Variants in SETD5 observed in about 807,000 individuals in gnomAD.
The protein encoded by SETD5 is SET domain containing 5.
In SETD5, 44 loss-of-function variants were observed where a neutral mutation model predicts 153.3. The observed-to-expected ratio is 0.29, with a 90% CI of 0.23 to 0.37. The LOEUF is 0.37. SETD5 is among the 10% of genes least tolerant of loss of function. SETD5 has a pLI of 1.00. For missense variants in SETD5, 1,544 were observed against 1,768.0 expected (o/e 0.87, Z 2.27); for synonymous variants, 716 against 645.2 (o/e 1.11, Z -1.66).
intron 18 of SETD5, chr3:9,468,638 C>T: frequency 3.1e-6 from 4 of 1,275,550 alleles, no homozygotes; most frequent in Non-Finnish European, 4.2e-6. Flanking sequence ...GAATGTGTTC[C>T]TGAGTGTGTG....
intron 1 of SETD5, among the ~76,000 whole-genome samples, chr3:9,407,243 G>T (rs2035843920): frequency 6.6e-6 from 1 of 152,174 alleles, no homozygotes; most frequent in Non-Finnish European, 1.5e-5. Context: ...CATAAGAATT[G>T]CTTGACCCTG....
chr3:9,448,878 G>A (rs2042310702), intron 16 of SETD5, among the ~76,000 whole-genome samples: 1 of 152,118 alleles, frequency 6.6e-6, no homozygotes, highest in Non-Finnish European at 1.5e-5. Flanking sequence ...TGTCTCTTCT[G>A]AGAACCCTTG....
intron 18 of SETD5, among the ~76,000 whole-genome samples, chr3:9,467,260 T>C (rs1386313437): frequency 6.7e-6 from 1 of 150,042 alleles, no homozygotes; most frequent in Non-Finnish European, 1.5e-5. Flanking sequence ...AGGATATTTT[T>C]GAGAAGGAAA....
chr3:9,398,226 C>G (rs187839407), intron 1 of SETD5: 7 of 152,114 alleles, frequency 4.6e-5, no homozygotes, highest in African/African-American at 1.7e-4. Flanking sequence ...CATGTTTTTC[C>G]TGGGTCAGGA....
chr3:9,450,278 C>A (rs550035246), intron 16 of SETD5, among the ~76,000 whole-genome samples: 5 of 152,222 alleles, frequency 3.3e-5, no homozygotes, highest in Non-Finnish European at 7.3e-5. Context: ...CCAAGTGTAT[C>A]TGACTATCCT....
intron 3 of SETD5, 90 bp from the exon 4 acceptor site, chr3:9,433,755 A>C (rs919875615): frequency 9.9e-6 from 13 of 1,315,252 alleles, no homozygotes; most frequent in Non-Finnish European, 1.3e-5. Context: ...TGGTTGTGGA[A>C]AGAGGAGGGG....
chr3:9,442,277 G>A, intron 10 of SETD5, 32 bp downstream of exon 10: 4 of 1,437,278 alleles, frequency 2.8e-6, no homozygotes, highest in Non-Finnish European at 3.9e-6. Context: ...CCCTTTGACT[G>A]GAACCATCAA....
At chr3:9,446,693 A>C (rs544464719) in intron 13 of SETD5, among the ~76,000 whole-genome samples, 2 of 152,090 alleles carry the variant, frequency 1.3e-5, no homozygotes, top group African/African-American at 4.8e-5. Flanking sequence ...GAGTTTCACC[A>C]TGTTGGCCAC....
chr3:9,410,151 A>G (rs1338002126), intron 1 of SETD5, among the ~76,000 whole-genome samples: 1 of 152,232 alleles, frequency 6.6e-6, no homozygotes, highest in Non-Finnish European at 1.5e-5. Flanking sequence ...GGTATAGCCC[A>G]TTGCTCTTAG....
rs1402428999 is a variant in SETD5, at chr3:9,470,840, G to A, written c.3106G>A (p.Asp1036Asn). The change falls in exon 19 of 23, where the codon GAC becomes AAC. Residue 1036 changes from aspartate (D) to asparagine (N), a missense_variant. Asp to Asn is a conservative substitution (Grantham distance 23). Around this residue, in one of 9 missense-constraint regions of SETD5, gnomAD observed 782 missense variants for 787.2 expected, o/e 0.99. Coordinates refer to ENST00000402198, the MANE Select transcript of SETD5 (RefSeq NM_001080517.3). ...SSRYEHGLMK[D>N]LSRGSLSPGG... ...CAGATATGAACATGGCTTAATGAAA[G>A]ACCTCTCTCGTGGATCCTTGTCACC... 1 of 1,612,536 alleles carries A rather than the reference G, an allele frequency of 6.2e-7. No individual in the cohort carries two copies. The highest frequency in any genetic ancestry group is 1.1e-5 in the South Asian group (1 of 90,744).
In SETD5 at chr3:9,473,492, C is replaced by T. The variant is rs1349109760; in HGVS notation, c.3452C>T (p.Thr1151Ile). The T allele has an allele frequency of 1.2e-6, 2 of 1,613,802 alleles. No homozygotes were observed. Among genetic ancestry groups the T allele is most frequent in the Middle Eastern group, 1.6e-4 (1 of 6,062 alleles). ...EAVSPSDSRG[T>I]SSSHCRPQEN... ...GTAAGCCCATCAGATTCCAGAGGCA[C>T]TTCTTCATCTCACTGCAGACCTCAA... Residue 1151 changes from threonine to isoleucine, a missense_variant, in exon 20 of 23, where the codon ACT becomes ATT. Transcript: ENST00000402198.
In SETD5 at chr3:9,448,369, G is replaced by A. The variant is rs771320363; in HGVS notation, c.2104-19G>A. The A allele has an allele frequency of 3.1e-6, 5 of 1,611,488 alleles. No individual in the cohort carries two copies. In the South Asian group the frequency reaches 3.3e-5, roughly 11 times the overall value. On this transcript the variant is annotated intron_variant, in intron 15 of 22. Coordinates refer to ENST00000402198, the MANE Select transcript of SETD5 (RefSeq NM_001080517.3). Reference sequence around the variant, plus strand: ...GCTACCTCTTGATTTATAAACTAATGATCTCTTTTTTACCTTAGTATCTAG... The same window carrying A: ...GCTACCTCTTGATTTATAAACTAATAATCTCTTTTTTACCTTAGTATCTAG...
At chr3:9,470,343 T>C (rs2045158189) in intron 18 of SETD5, 116 bp from the exon 19 acceptor site, 2 of 767,248 alleles carry the variant, frequency 2.6e-6, no homozygotes, top group African/African-American at 1.7e-5. Flanking sequence ...TTATCTGCTC[T>C]ACTTCCGTCC....
At position 9,477,442 on chromosome 3, in the gene SETD5, C is replaced by T. The variant is rs2045912920; in HGVS notation, c.*1351C>T. On this transcript the variant is annotated 3_prime_UTR_variant, in exon 23 of 23. Coordinates refer to ENST00000402198, the MANE Select transcript of SETD5 (RefSeq NM_001080517.3). Reference sequence around the variant, plus strand: ...CATGGTAGGGGTAGTGAATATATGACAGGTGTAATCCCTGGTGCTGCAGTG... The same window carrying T: ...CATGGTAGGGGTAGTGAATATATGATAGGTGTAATCCCTGGTGCTGCAGTG... 6.6e-6 allele frequency: 1 copy of T among 152,584 alleles called. No individual in the cohort carries two copies. Among genetic ancestry groups the T allele is most frequent in the African/African-American group, 2.4e-5 (1 of 41,444 alleles). The allele number at this position is 152,584 out of a possible 1,614,324, so 9.5% of individuals were successfully genotyped here.
At chr3:9,424,570 T>G (rs1471492906) in intron 2 of SETD5, 44 bp downstream of exon 2, 1 of 152,218 alleles carries the variant, frequency 6.6e-6, no homozygotes, top group African/African-American at 2.4e-5. Context: ...TTTTATTTTT[T>G]GCATTTTAAT....
Position 9,464,761 on chromosome 3 carries a change from T to G in SETD5, c.2724+89T>G, listed in dbSNP as rs1174831532. Reference sequence around the variant, plus strand: ...CAAATATAATACCATTCCAAATGTTTCTTTACTATCTTTCTTCCCCATCTC... The same window carrying G: ...CAAATATAATACCATTCCAAATGTTGCTTTACTATCTTTCTTCCCCATCTC... On this transcript the variant is annotated intron_variant, in intron 18 of 22. Coordinates refer to ENST00000402198, the MANE Select transcript of SETD5 (RefSeq NM_001080517.3). The G allele has an allele frequency of 3.2e-6, 5 of 1,583,952 alleles. No individual in the cohort carries two copies. In the African/African-American group the frequency reaches 4.0e-5, roughly 13 times the overall value.
intron 1 of SETD5, among the ~76,000 whole-genome samples, chr3:9,423,973 A>G (rs1198472882): frequency 6.6e-6 from 1 of 152,224 alleles, no homozygotes; most frequent in East Asian, 1.9e-4. Flanking sequence ...TAGTAGGACA[A>G]GAAACTAGAT....
At chr3:9,401,863 TTTTG>T (rs1213887181) in intron 1 of SETD5, among the ~76,000 whole-genome samples, 1 of 152,252 alleles carries the variant, frequency 6.6e-6, no homozygotes, top group Non-Finnish European at 1.5e-5. Flanking sequence ...GACCAGTATA[TTTTG>T]TTTGAGGCAT....
rs1484396489 is a variant in SETD5, at chr3:9,477,807, G to T, written c.*1716G>T. ...GGAAATCATGTTGCCTGGGATGCTG[G>T]TTTCTTTGTATATTATATAAAACGT... On this transcript the variant is annotated 3_prime_UTR_variant, in exon 23 of 23. Transcript: ENST00000402198. 2 of 152,042 alleles carry T rather than the reference G, an allele frequency of 1.3e-5. No individual in the cohort carries two copies. The highest frequency in any genetic ancestry group is 2.9e-5 in the Non-Finnish European group (2 of 67,966). 9.4% of individuals were successfully genotyped at this position (152,042 alleles called of 1,614,324 possible). A position where few individuals can be genotyped will look rare whatever the true frequency, so the allele number is the denominator to read the frequency against.
Sources: gnomAD v4.1 joint callset for allele counts (sites outside exome capture counted in the v4.1 genomes callset) on GRCh38, gnomAD v4.1.1 for gene constraint, gnomAD v4.1.1 regional missense constraint, MANE v1.5 for transcripts, NCBI Gene and HGNC (gene_info 2026-07-23, HGNC 2026-07-21) for gene names.